PCDH15: variants seen among roughly 807,000 people sequenced by gnomAD.
PCDH15 encodes protocadherin-15.
A neutral mutation model predicts 178.5 loss-of-function variants in PCDH15; 129 were observed. The observed-to-expected ratio is 0.72, with a 90% confidence interval of 0.63 to 0.84. PCDH15 has a LOEUF of 0.84. PCDH15 is among the 40% of genes least tolerant of loss of function. PCDH15 has a pLI of 0.00. For missense variants in PCDH15, 2,230 were observed against 2,099.9 expected, an observed-to-expected ratio of 1.06 and a Z score of -1.21; for synonymous variants, 800 against 732.0, an observed-to-expected ratio of 1.09 and a Z score of -1.50.
In PCDH15 at chr10:53,873,247, A is replaced by G. The variant is rs183604060; in HGVS notation, c.3502-6390T>C. Among the ~76,000 whole-genome samples, 395 of 152,278 alleles carry G rather than the reference A, an allele frequency of 2.6e-3. 1 individual carries two copies. Among genetic ancestry groups the G allele is most frequent in the African/African-American group, 8.8e-3 (365 of 41,554 alleles). On this transcript the variant is annotated intron_variant, in intron 26 of 37. Coordinates refer to ENST00000644397, the MANE Select transcript of PCDH15 (RefSeq NM_001384140.1). Reference sequence around the variant, plus strand: ...GATCTCTGCCCCTGCCATGCCATTTAATTTGCTAACATCAGTGACTGAGGC... The same window carrying G: ...GATCTCTGCCCCTGCCATGCCATTTGATTTGCTAACATCAGTGACTGAGGC...
chr10:55,042,029 TA>T (rs1276932132), intron 2 of PCDH15, among the ~76,000 whole-genome samples: 1 of 152,116 alleles, frequency 6.6e-6, no homozygotes, highest in African/African-American at 2.4e-5. Flanking sequence ...CACTCTACCA[TA>T]AGGCTTATTC....
chr10:54,130,439 GA>G (rs944131456), intron 15 of PCDH15, among the ~76,000 whole-genome samples: 1 of 151,970 alleles, frequency 6.6e-6, no homozygotes, highest in East Asian at 1.9e-4. Context: ...AACGCTGGAG[GA>G]AAAAAATCTA....
At chr10:54,232,924 C>CTTTTTTTTTTTTTTT (rs762364718) in intron 9 of PCDH15, among the ~76,000 whole-genome samples, 17 of 109,216 alleles carry the variant, frequency 1.6e-4, no homozygotes, top group African/African-American at 6.3e-4. Flanking sequence ...AGCTTTCTTT[C>CTTTTTTTTTTTTTTT]TTTTTTTTTT....
At chr10:54,898,128 T>G (rs1954577944) in intron 2 of PCDH15, among the ~76,000 whole-genome samples, 1 of 152,038 alleles carries the variant, frequency 6.6e-6, no homozygotes, top group African/African-American at 2.4e-5. Flanking sequence ...GTGTGAGGCC[T>G]CCTCAGAAGC....
At chr10:54,597,391 G>C (rs537024487) in intron 2 of PCDH15, among the ~76,000 whole-genome samples, 51 of 152,186 alleles carry the variant, frequency 3.4e-4, no homozygotes, top group Admixed American at 2.9e-3. Context: ...GAAGTATTTT[G>C]AAATTAGTGA....
chr10:54,609,273 T>C (rs2092880348), intron 2 of PCDH15, among the ~76,000 whole-genome samples: 1 of 152,204 alleles, frequency 6.6e-6, no homozygotes, highest in South Asian at 2.1e-4. Context: ...TTATGTATTC[T>C]ACATAAATTA....
chr10:54,896,568 G>A (rs1954548883), intron 3 of PCDH15, among the ~76,000 whole-genome samples: 1 of 150,912 alleles, frequency 6.6e-6, no homozygotes, highest in Non-Finnish European at 1.5e-5. Context: ...TAATATGAAT[G>A]CCAAGTCATG....
intron 1 of PCDH15, among the ~76,000 whole-genome samples, chr10:55,253,926 A>T (rs1361177351): frequency 6.6e-6 from 1 of 152,220 alleles, no homozygotes; most frequent in African/African-American, 2.4e-5. Flanking sequence ...TTTGAAATAA[A>T]ATTAGTAATT....
In PCDH15 at chr10:54,604,033, A is replaced by G. The variant is rs573971960; in HGVS notation, c.91+60139T>C. Among the ~76,000 whole-genome samples the G allele has an allele frequency of 4.5e-4, 68 of 151,422 alleles. No homozygotes were observed. The South Asian group carries it at 0.014, about 31-fold the overall frequency. ...TTTTTTAAATTTAATCTTGGACCCA[A>G]TGATTGTTCAAGAGTGTATTGTTTA... On this transcript the variant is annotated intron_variant, in intron 2 of 37. Transcript: ENST00000644397.
chr10:55,394,165 A>T (rs2441763), intron 2 of PCDH15, among the ~76,000 whole-genome samples: 38,020 of 151,500 alleles, frequency 0.25, 5,535 homozygotes, highest in African/African-American at 0.41. Context: ...TTTCTACTAT[A>T]TAGCCATGTT....
At chr10:54,083,974 C>A (rs2094475292) in intron 16 of PCDH15, among the ~76,000 whole-genome samples, 2 of 152,040 alleles carry the variant, frequency 1.3e-5, no homozygotes, top group Admixed American at 1.3e-4. Context: ...GCCTGTAATT[C>A]CAGTACTTTG....
At chr10:54,815,998 G>C (rs915335035) in intron 3 of PCDH15, among the ~76,000 whole-genome samples, 2 of 152,038 alleles carry the variant, frequency 1.3e-5, no homozygotes, top group African/African-American at 4.8e-5. Flanking sequence ...TAGGCTATTA[G>C]TAATTAAGTT....
intron 1 of PCDH15, among the ~76,000 whole-genome samples, chr10:55,294,488 T>C (rs1436161816): frequency 1.3e-5 from 2 of 152,240 alleles, no homozygotes; most frequent in Non-Finnish European, 2.9e-5. Flanking sequence ...TAAATGTTCT[T>C]GGTGAAGGAT....
At chr10:53,975,801 T>G (rs2090137360) in intron 21 of PCDH15, among the ~76,000 whole-genome samples, 1 of 152,174 alleles carries the variant, frequency 6.6e-6, no homozygotes, top group African/African-American at 2.4e-5. Flanking sequence ...ATTTTTGTTT[T>G]TGTTGTAATT....
At chr10:55,259,064 C>T (rs992741759) in intron 1 of PCDH15, among the ~76,000 whole-genome samples, 2 of 152,096 alleles carry the variant, frequency 1.3e-5, no homozygotes, top group Non-Finnish European at 2.9e-5. Context: ...TTTCCCTCTC[C>T]TCATCTGAAG....
chr10:54,197,096 A>G (rs1361596230), intron 10 of PCDH15, among the ~76,000 whole-genome samples: 1 of 152,140 alleles, frequency 6.6e-6, no homozygotes, highest in African/African-American at 2.4e-5. Context: ...GGACAGAAAT[A>G]ATAAATTTCA....
intron 8 of PCDH15, among the ~76,000 whole-genome samples, chr10:54,260,733 C>T (rs1009614674): frequency 3.3e-5 from 5 of 152,064 alleles, no homozygotes; most frequent in Non-Finnish European, 7.4e-5. Flanking sequence ...ACTACTACTA[C>T]AGGCATGCAC....
chr10:55,156,610 C>G (rs1050525390), intron 2 of PCDH15, among the ~76,000 whole-genome samples: 2 of 152,232 alleles, frequency 1.3e-5, no homozygotes, highest in Non-Finnish European at 1.5e-5. Context: ...AAAATTGACT[C>G]TCTTATTAGA....
intron 3 of PCDH15, among the ~76,000 whole-genome samples, chr10:54,469,078 T>G (rs755453740): frequency 6.6e-6 from 1 of 152,164 alleles, no homozygotes; most frequent in Non-Finnish European, 1.5e-5. Flanking sequence ...TGGTTGAGAC[T>G]TTGTAATTTT....
Sources: allele counts gnomAD v4.1 joint callset (sites outside exome capture counted in the v4.1 genomes callset), GRCh38; gene constraint gnomAD v4.1.1; transcripts MANE v1.5; gene names NCBI Gene and HGNC (gene_info 2026-07-23, HGNC 2026-07-21).